The following CHL1 variants were observed in gnomAD, a reference collection of about 807,000 sequenced individuals.
CHL1 encodes the protein cell adhesion molecule L1 like.
A neutral mutation model predicts 141.9 loss-of-function variants in CHL1; 96 were observed. The observed-to-expected ratio is 0.68, with a 90% CI of 0.57 to 0.80. The LOEUF is 0.80. Among genes scored for constraint, CHL1 ranks in the 30% least tolerant of loss-of-function variants. The pLI, the probability that CHL1 is intolerant of heterozygous loss-of-function variation, is 0.00. For synonymous variants in CHL1, 613 were observed against 502.2 expected, an observed-to-expected ratio of 1.22 and a Z score of -2.95; for missense variants, 1,820 against 1,457.2, an observed-to-expected ratio of 1.25 and a Z score of -4.05.
chr3:388,929 C>G (rs1305075083), intron 19 of CHL1, among the ~76,000 whole-genome samples: 1 of 152,196 alleles, frequency 6.6e-6, no homozygotes, highest in South Asian at 2.1e-4. Flanking sequence ...AAAGCATAAG[C>G]AAAAAGCTAA....
chr3:320,392 T>A (rs150648440), intron 3 of CHL1, among the ~76,000 whole-genome samples: 59 of 152,154 alleles, frequency 3.9e-4, no homozygotes, highest in African/African-American at 1.4e-3. Context: ...TAGTGTGAAT[T>A]CATATTAAGA....
At position 409,311 on chromosome 3, in the gene CHL1, AG is replaced by A. The variant is rs1296653473; in HGVS notation, c.*3602del. The stretch of plus-strand genomic sequence containing the variant: ...ACTTTATAAAACGTGTTTGTATTGT[AG>A]GTGGTGTTTGTATTATGCTTATGAC... On this transcript the variant is annotated 3_prime_UTR_variant, in exon 28 of 28. Coordinates refer to ENST00000256509, the MANE Select transcript of CHL1 (RefSeq NM_006614.4). 6.6e-6 allele frequency: 1 copy of A among 152,082 alleles called. No homozygotes were observed. The highest frequency in any genetic ancestry group is 2.4e-5 in the African/African-American group (1 of 41,436). The allele number at this position is 152,082 out of a possible 1,614,324, so 9.4% of individuals were successfully genotyped here. A position where few individuals can be genotyped will look rare whatever the true frequency, so the allele number is the denominator to read the frequency against.
intron 2 of CHL1, among the ~76,000 whole-genome samples, chr3:266,864 G>C (rs1574909408): frequency 1.3e-5 from 2 of 152,154 alleles, no homozygotes; most frequent in East Asian, 3.9e-4. Flanking sequence ...TACAACAATA[G>C]TTAATAAGAG....
At position 391,000 on chromosome 3, in the gene CHL1, C is replaced by T. The variant is rs1048568442; in HGVS notation, c.2632C>T (p.Pro878Ser). The change falls in exon 22 of 28, where the codon CCC becomes TCC. Residue 878 changes from proline to serine, a missense_variant. Coordinates refer to ENST00000256509, the MANE Select transcript of CHL1 (RefSeq NM_006614.4). Reference protein sequence around the residue: ...TKSLLDGRTHPKEVNILRFSG... With the variant: ...TKSLLDGRTHSKEVNILRFSG... ...AAGTCTGTTGGATGGAAGAACACAT[C>T]CCAAAGAAGTGAACATTCTAAGATT... 6.2e-7 allele frequency: 1 copy of T among 1,614,134 alleles called. No homozygotes were observed. The highest frequency in any genetic ancestry group is 2.2e-5 in the East Asian group (1 of 44,880).
chr3:322,646 A>ATATATATATATATATATATATAAT (rs1559252631), intron 3 of CHL1, among the ~76,000 whole-genome samples: 2 of 27,250 alleles, frequency 7.3e-5, no homozygotes, highest in African/African-American at 1.1e-3. Flanking sequence ...TATATATAAA[A>ATATATATATATATATATATATAAT]TATATATATA....
At chr3:371,698 T>C (rs1218548552) in intron 15 of CHL1, among the ~76,000 whole-genome samples, 1 of 152,212 alleles carries the variant, frequency 6.6e-6, no homozygotes, top group Non-Finnish European at 1.5e-5. Flanking sequence ...TTCTTCATCA[T>C]GTCATTGGTC....
chr3:270,463 C>T (rs1695542880), intron 2 of CHL1, among the ~76,000 whole-genome samples: 1 of 152,134 alleles, frequency 6.6e-6, no homozygotes, highest in Admixed American at 6.5e-5. Context: ...CCACCTGGAC[C>T]TGGAAGCACT....
At chr3:212,752 A>T (rs1206815792) in intron 1 of CHL1, among the ~76,000 whole-genome samples, 1 of 152,148 alleles carries the variant, frequency 6.6e-6, no homozygotes, top group Non-Finnish European at 1.5e-5. Flanking sequence ...TCAACAGCTC[A>T]CTGCTCTTGT....
intron 2 of CHL1, among the ~76,000 whole-genome samples, chr3:270,324 T>C (rs985134912): frequency 2.6e-5 from 4 of 152,196 alleles, no homozygotes; most frequent in Non-Finnish European, 5.9e-5. Context: ...TACAGCTGGA[T>C]TAGAGAACTC....
chr3:351,482 A>G (rs1222817103), intron 10 of CHL1, among the ~76,000 whole-genome samples: 1 of 152,160 alleles, frequency 6.6e-6, no homozygotes, highest in Non-Finnish European at 1.5e-5. Context: ...TAATAAATAA[A>G]AACTTTGTTA....
chr3:273,893 A>C (rs1367909364), intron 2 of CHL1, among the ~76,000 whole-genome samples: 1 of 152,192 alleles, frequency 6.6e-6, no homozygotes, highest in African/African-American at 2.4e-5. Context: ...TTCTTTCTGA[A>C]ATACAAATTT....
At chr3:271,448 A>T (rs1020975143) in intron 2 of CHL1, among the ~76,000 whole-genome samples, 12 of 152,182 alleles carry the variant, frequency 7.9e-5, no homozygotes, top group Non-Finnish European at 1.6e-4. Context: ...CAAAAAAATC[A>T]TTGCACTTTT....
intron 2 of CHL1, among the ~76,000 whole-genome samples, chr3:288,822 A>G (rs963378435): frequency 7.9e-5 from 12 of 152,350 alleles, no homozygotes; most frequent in African/African-American, 2.6e-4. Context: ...TTATCATTAA[A>G]TATAGTTTGA....
At chr3:395,647 T>G (rs931120785) in intron 24 of CHL1, among the ~76,000 whole-genome samples, 1 of 152,228 alleles carries the variant, frequency 6.6e-6, no homozygotes, top group African/African-American at 2.4e-5. Flanking sequence ...AAGAAGGATG[T>G]AGAAGATGGC....
At chr3:347,267 C>T (rs975790051) in intron 9 of CHL1, among the ~76,000 whole-genome samples, 2 of 151,664 alleles carry the variant, frequency 1.3e-5, no homozygotes, top group African/African-American at 2.4e-5. Flanking sequence ...GTTGGCCAGA[C>T]AAGGACCTGA....
At chr3:355,697 G>A (rs9820578) in intron 11 of CHL1, among the ~76,000 whole-genome samples, 1,812 of 152,188 alleles carry the variant, frequency 0.012, 34 homozygotes, top group African/African-American at 0.042. Flanking sequence ...ATCTTGAGGT[G>A]TTTTCTGAAT....
intron 1 of CHL1, among the ~76,000 whole-genome samples, chr3:232,989 G>T (rs139320017): frequency 3.9e-4 from 59 of 151,632 alleles, no homozygotes; most frequent in African/African-American, 1.4e-3. Flanking sequence ...AAATCAATCT[G>T]GTCCTTTCTT....
chr3:392,416 C>T (rs1196753840), intron 23 of CHL1, among the ~76,000 whole-genome samples: 1 of 152,208 alleles, frequency 6.6e-6, no homozygotes, highest in Non-Finnish European at 1.5e-5. Context: ...GTCTTTGGAT[C>T]ATGACTCAGA....
At chr3:230,507 T>G (rs898523211) in intron 1 of CHL1, among the ~76,000 whole-genome samples, 1 of 152,194 alleles carries the variant, frequency 6.6e-6, no homozygotes, top group Non-Finnish European at 1.5e-5. Context: ...TAAACCTTTT[T>G]TTTTTTTGAC....
Sources: allele counts gnomAD v4.1 joint callset (sites outside exome capture counted in the v4.1 genomes callset), GRCh38; gene constraint gnomAD v4.1.1; transcripts MANE v1.5; gene names NCBI Gene and HGNC (gene_info 2026-07-23, HGNC 2026-07-21).